Variants in ABL2 observed in about 807,000 individuals in gnomAD.
ABL2 encodes ABL proto-oncogene 2, non-receptor tyrosine kinase.
ABL2 carries 49 observed loss-of-function variants against 107.7 expected under a neutral mutation model. The ratio of observed to expected loss-of-function variants is 0.45; its 90% CI spans 0.36 to 0.58. ABL2 has a LOEUF of 0.58. ABL2 is among the 20% of genes least tolerant of loss of function. ABL2 has a pLI of 0.00. For synonymous variants in ABL2, 549 were observed against 548.6 expected (o/e 1.00, Z -0.01); for missense variants, 1,245 against 1,457.0 (o/e 0.85, Z 2.37).
intron 1 of ABL2, among the ~76,000 whole-genome samples, chr1:179,141,680 G>T (rs1487617124): frequency 6.6e-6 from 1 of 152,102 alleles, no homozygotes; most frequent in Non-Finnish European, 1.5e-5. Context: ...TGAGTCAAAA[G>T]ATCTTATTTC....
chr1:179,142,920 C>T, intron 1 of ABL2: 2 of 1,613,590 alleles, frequency 1.2e-6, no homozygotes, highest in Middle Eastern at 1.7e-4. Flanking sequence ...AAACTATCAA[C>T]TCTGAACCAT....
intron 1 of ABL2, among the ~76,000 whole-genome samples, chr1:179,143,566 T>C (rs1047699296): frequency 2.6e-5 from 4 of 152,268 alleles, no homozygotes; most frequent in African/African-American, 9.6e-5. Context: ...ATCTGATTCA[T>C]GAGCACAGAA....
Position 179,131,472 on chromosome 1 carries a change from T to C in ABL2, c.230A>G (p.His77Arg), listed in dbSNP as rs773544977. 1.2e-6 allele frequency: 2 copies of C among 1,613,708 alleles called. No individual in the cohort carries two copies. The highest frequency in any genetic ancestry group is 1.3e-5 in the African/African-American group (1 of 74,924). Reference protein sequence around the residue: ...KTGGSSPEALHRPYGCDVEPQ... With the variant: ...KTGGSSPEALRRPYGCDVEPQ... ...TTCAACATCACAACCATAGGGACGA[T>C]GCAAAGCTTCTGAAAGACATAAGAA... Residue 77 changes from histidine (H) to arginine (R), a missense_variant, in exon 3 of 12, where the codon CAT becomes CGT. Around this residue, in one of 3 missense-constraint regions of ABL2, gnomAD observed 164 missense variants for 143.7 expected, o/e 1.14. Coordinates refer to ENST00000502732, the MANE Select transcript of ABL2 (RefSeq NM_007314.4).
intron 1 of ABL2, among the ~76,000 whole-genome samples, chr1:179,174,895 C>CT (rs1659944850): frequency 3.0e-5 from 1 of 33,694 alleles, no homozygotes. Flanking sequence ...GACTCTGTCT[C>CT]AAAAAAAAAA....
At chr1:179,128,307 A>G (rs1296001348) in intron 3 of ABL2, among the ~76,000 whole-genome samples, 1 of 152,110 alleles carries the variant, frequency 6.6e-6, no homozygotes, top group Non-Finnish European at 1.5e-5. Flanking sequence ...GATATGCATA[A>G]GTGCACAAAT....
Position 179,100,634 on chromosome 1 carries a change from C to A in ABL2, c.*7084G>T. The A allele has an allele frequency of 4.4e-6, 1 of 229,508 alleles. No homozygotes were observed. The highest frequency in any genetic ancestry group is 8.6e-6 in the Non-Finnish European group (1 of 115,704). 14.2% of individuals were successfully genotyped at this position (229,508 alleles called of 1,614,324 possible). On this transcript the variant is annotated 3_prime_UTR_variant, in exon 12 of 12. Transcript: ENST00000502732. ...CCAGCTTTTCTAAAAGGTTACTTAG[C>A]ATGCTCGGAGACCTCAGCTTCTGAG... is the stretch of plus-strand genomic sequence containing the variant.
intron 1 of ABL2, among the ~76,000 whole-genome samples, chr1:179,136,741 TA>T (rs529807975): frequency 8.0e-6 from 1 of 124,250 alleles, no homozygotes; most frequent in African/African-American, 3.1e-5. Context: ...AATAAATAAA[TA>T]AAAATAAAAA....
chr1:179,131,795 GA>G (rs1656357655), intron 2 of ABL2, among the ~76,000 whole-genome samples: 1 of 152,160 alleles, frequency 6.6e-6, no homozygotes, highest in Non-Finnish European at 1.5e-5. Flanking sequence ...ATGGAAAAAA[GA>G]ATCTCAAAGA....
In ABL2 at chr1:179,126,711, T is replaced by G. The variant is rs770430824; in HGVS notation, c.392-39A>C. On this transcript the variant is annotated intron_variant, in intron 3 of 11. Transcript: ENST00000502732. The surrounding 1 kb of genome is among the most constrained non-coding windows in gnomAD (Gnocchi z 4.4). ...CATCACAGGATGAAAGAAACGATGTTAAGACTTTATTTCAACTGAAGCAGT... is the reference window on the plus strand; with the variant it reads ...CATCACAGGATGAAAGAAACGATGTGAAGACTTTATTTCAACTGAAGCAGT... The G allele has an allele frequency of 1.9e-6, 3 of 1,551,082 alleles. No homozygotes were observed. Among genetic ancestry groups the G allele is most frequent in the East Asian group, 4.5e-5 (2 of 44,058 alleles).
At chr1:179,115,575 A>G (rs1263149788) in intron 8 of ABL2, among the ~76,000 whole-genome samples, 2 of 152,294 alleles carry the variant, frequency 1.3e-5, no homozygotes, top group East Asian at 3.9e-4. Flanking sequence ...TCCACACCGT[A>G]GATGCTACCC....
At chr1:179,175,406 CTG>C (rs1420848535) in intron 1 of ABL2, among the ~76,000 whole-genome samples, 1 of 152,202 alleles carries the variant, frequency 6.6e-6, no homozygotes, top group Non-Finnish European at 1.5e-5. Flanking sequence ...CCTCTGTTCC[CTG>C]CCCTGCCCAG....
chr1:179,123,789 C>T (rs1385670700), intron 4 of ABL2, among the ~76,000 whole-genome samples: 5 of 151,976 alleles, frequency 3.3e-5, no homozygotes, highest in Admixed American at 1.3e-4. Context: ...GCCACCATGC[C>T]CAGCTAATTT....
At chr1:179,125,204 T>C (rs763261098) in intron 4 of ABL2, among the ~76,000 whole-genome samples, 1 of 152,204 alleles carries the variant, frequency 6.6e-6, no homozygotes, top group Non-Finnish European at 1.5e-5. Flanking sequence ...AACAAATGGG[T>C]GTGGCTGTAT....
chr1:179,178,394 T>A (rs1660167716), intron 1 of ABL2, among the ~76,000 whole-genome samples: 2 of 44,530 alleles, frequency 4.5e-5, no homozygotes, highest in African/African-American at 1.4e-4. Context: ...AGAGCAAGAC[T>A]CTGCCTCAAA....
intron 1 of ABL2, among the ~76,000 whole-genome samples, chr1:179,157,150 G>C (rs1189856072): frequency 1.3e-5 from 2 of 152,072 alleles, no homozygotes; most frequent in Non-Finnish European, 2.9e-5. Context: ...TCTGTGGACT[G>C]ACATGACACT....
chr1:179,102,500 G>A lies in ABL2; in HGVS notation c.*5218C>T, dbSNP rs925616146. On this transcript the variant is annotated 3_prime_UTR_variant, in exon 12 of 12. Transcript: ENST00000502732. ...ACAAGCTAAGACAGAGACACAAACC[G>A]CTGAAGCCTATCAATACTTAAGCCA... 12 of 226,204 alleles carry A rather than the reference G, an allele frequency of 5.3e-5. No homozygotes were observed. Among genetic ancestry groups the A allele is most frequent in the Admixed American group, 1.7e-4 (3 of 17,490 alleles). 14.0% of individuals were successfully genotyped at this position (226,204 alleles called of 1,614,324 possible). A position where few individuals can be genotyped will look rare whatever the true frequency, so the allele number is the denominator to read the frequency against.
chr1:179,204,943 C>T (rs1214172859), intron 1 of ABL2, among the ~76,000 whole-genome samples: 2 of 151,774 alleles, frequency 1.3e-5, no homozygotes, highest in East Asian at 1.9e-4. Flanking sequence ...GTGTCTCCAA[C>T]GAAGGGGCTC....
rs1655756601 is a variant in ABL2, at chr1:179,126,744, C to T, written c.392-72G>A. On this transcript the variant is annotated intron_variant, in intron 3 of 11. Coordinates refer to ENST00000502732, the MANE Select transcript of ABL2 (RefSeq NM_007314.4). This position sits in a 1 kb window ranked among gnomAD's most constrained non-coding sequence, Gnocchi z 4.4. The stretch of plus-strand genomic sequence containing the variant: ...TATTTCAACTGAAGCAGTGTACTGT[C>T]AAACTTTAAACTCATTAAAAAAAAA... 3 of 1,310,814 alleles carry T rather than the reference C, an allele frequency of 2.3e-6. No homozygotes were observed. The East Asian group carries it at 7.2e-5, about 32-fold the overall frequency. The allele number at this position is 1,310,814 out of a possible 1,614,324, so 81.2% of individuals were successfully genotyped here. A position where few individuals can be genotyped will look rare whatever the true frequency, so the allele number is the denominator to read the frequency against.
chr1:179,216,716 TTC>T (rs1181492523), intron 1 of ABL2, among the ~76,000 whole-genome samples: 2 of 151,352 alleles, frequency 1.3e-5, no homozygotes, highest in East Asian at 3.9e-4. Flanking sequence ...GTTACACAGA[TTC>T]TTTTTTTTTT....
Sources: gnomAD v4.1 joint callset for allele counts (sites outside exome capture counted in the v4.1 genomes callset) on GRCh38, gnomAD v4.1.1 for gene constraint, gnomAD v4.1.1 regional missense constraint, Gnocchi (gnomAD v3.1) non-coding constraint, MANE v1.5 for transcripts, NCBI Gene and HGNC (gene_info 2026-07-23, HGNC 2026-07-21) for gene names.